The following AQP11 variants were observed in gnomAD, a reference collection of about 807,000 sequenced individuals.
The protein encoded by AQP11 is aquaporin 11.
A neutral mutation model predicts 21.1 loss-of-function variants in AQP11; 20 were observed. The observed-to-expected ratio is 0.95, with a 90% CI of 0.67 to 1.38. AQP11 has a LOEUF of 1.38. Ranked by LOEUF, AQP11 falls within the 40% of genes most tolerant of loss-of-function variation. AQP11 has a pLI of 0.00. For synonymous variants in AQP11, 167 were observed against 150.1 expected, an observed-to-expected ratio of 1.11 and a Z score of -0.82; for missense variants, 339 against 340.4, an observed-to-expected ratio of 1.00 and a Z score of 0.03.
Position 77,590,014 on chromosome 11 carries a change from C to T in AQP11, c.22C>T (p.Arg8Trp), listed in dbSNP as rs756558067. Residue 8 changes from arginine (R) to tryptophan (W), a missense_variant, in exon 1 of 3, where the codon CGG becomes TGG. Physicochemically the swap from Arg to Trp is moderately radical, Grantham distance 101. Coordinates refer to ENST00000313578, the MANE Select transcript of AQP11 (RefSeq NM_173039.3). ...AGCCATGTCGCCGCTGCTGGGGCTC[C>T]GGTCCGAGCTGCAGGACACCTGCAC... Reference protein sequence around the residue: MSPLLGLRSELQDTCTSL... With the variant: MSPLLGLWSELQDTCTSL... The T allele has an allele frequency of 6.6e-7, 1 of 1,507,648 alleles. No individual in the cohort carries two copies. Among genetic ancestry groups the T allele is most frequent in the Admixed American group, 2.3e-5 (1 of 44,006 alleles). The allele number at this position is 1,507,648 out of a possible 1,614,324, so 93.4% of individuals were successfully genotyped here. A position where few individuals can be genotyped will look rare whatever the true frequency, so the allele number is the denominator to read the frequency against.
chr11:77,605,174 C>T (rs2135751058), intron 2 of AQP11, among the ~76,000 whole-genome samples: 1 of 152,272 alleles, frequency 6.6e-6, no homozygotes, highest in South Asian at 2.1e-4. Flanking sequence ...GCTTGGGCGA[C>T]AGAGCGAGAC....
intron 1 of AQP11, among the ~76,000 whole-genome samples, chr11:77,591,814 C>T (rs1958749858): frequency 6.6e-6 from 1 of 152,138 alleles, no homozygotes; most frequent in African/African-American, 2.4e-5. Flanking sequence ...GCGGAGGTTG[C>T]AGTGAGCTGA....
chr11:77,607,385 A>G (rs755844525), intron 2 of AQP11, among the ~76,000 whole-genome samples: 26 of 152,216 alleles, frequency 1.7e-4, no homozygotes, highest in Non-Finnish European at 3.7e-4. Flanking sequence ...CCAAAGCTAC[A>G]TTAATTAGGC....
Position 77,590,174 on chromosome 11 carries a change from CCCACGAGCTGCAA to C in AQP11, c.184_196del (p.His62CysfsTer2). ...GCCACCTTCCAGCTCTGCTGCTGCA[CCCACGAGCTGCAA>C]CTGCTGAGCGAACAGCACCCCGCGC... is the stretch of plus-strand genomic sequence containing the variant. On this transcript the variant is annotated frameshift_variant, in exon 1 of 3. Transcript: ENST00000313578. LOFTEE classifies it high-confidence loss of function. 1 of 1,604,596 alleles carries C rather than the reference CCCACGAGCTGCAA, an allele frequency of 6.2e-7. No homozygotes were observed. The highest frequency in any genetic ancestry group is 8.5e-7 in the Non-Finnish European group (1 of 1,176,850).
intron 1 of AQP11, among the ~76,000 whole-genome samples, chr11:77,596,455 A>T (rs10899393): frequency 0.6 from 78,866 of 131,518 alleles, 24,049 homozygotes; most frequent in Non-Finnish European, 0.66. Context: ...AAAAAAAAAA[A>T]ATATATATAT....
chr11:77,599,662 A>C (rs2135747866), intron 1 of AQP11, among the ~76,000 whole-genome samples: 1 of 151,118 alleles, frequency 6.6e-6, no homozygotes, highest in African/African-American at 2.4e-5. Context: ...TGGTGCAATC[A>C]AAACCTCCGC....
intron 2 of AQP11, among the ~76,000 whole-genome samples, chr11:77,605,825 G>C (rs895666399): frequency 2.0e-5 from 3 of 152,044 alleles, no homozygotes; most frequent in Non-Finnish European, 4.4e-5. Context: ...TTGGGAGGCC[G>C]AGGTGCGTGG....
chr11:77,601,332 CA>C (rs1220595604), intron 1 of AQP11, among the ~76,000 whole-genome samples: 1 of 148,578 alleles, frequency 6.7e-6, no homozygotes, highest in Admixed American at 6.9e-5. Context: ...CTGTGTAACA[CA>C]CCATTCAAAA....
At chr11:77,598,070 A>AT (rs1363925156) in intron 1 of AQP11, among the ~76,000 whole-genome samples, 1 of 152,054 alleles carries the variant, frequency 6.6e-6, no homozygotes, top group Non-Finnish European at 1.5e-5. Flanking sequence ...TGACAATGAT[A>AT]TTTTATCAGA....
At position 77,604,325 on chromosome 11, in the gene AQP11, A is replaced by G. The variant is rs528633309; in HGVS notation, c.736+653A>G. Among the ~76,000 whole-genome samples the G allele has an allele frequency of 3.9e-4, 60 of 152,334 alleles. 1 individual carries two copies. The highest frequency in any genetic ancestry group is 1.4e-3 in the African/African-American group (58 of 41,578). ...GAGATGAGGTCTCGCTATGTTGCTC[A>G]GGCTACATTCCAGTTACTTCTATTT... On this transcript the variant is annotated intron_variant, in intron 2 of 2. Transcript: ENST00000313578.
chr11:77,596,458 AT>A (rs1456621458), intron 1 of AQP11, among the ~76,000 whole-genome samples: 6 of 133,524 alleles, frequency 4.5e-5, no homozygotes, highest in African/African-American at 1.5e-4. Flanking sequence ...AAAAAAAAAT[AT>A]ATATATATAT....
rs373789208 is a variant in AQP11 at position 77,609,971 on chromosome 11, A to G, written c.*594A>G. 3 of 152,244 alleles carry G rather than the reference A, an allele frequency of 2.0e-5. No individual in the cohort carries two copies. The highest frequency in any genetic ancestry group is 1.9e-4 in the East Asian group (1 of 5,202). The allele number at this position is 152,244 out of a possible 1,614,324, so 9.4% of individuals were successfully genotyped here. A position where few individuals can be genotyped will look rare whatever the true frequency, so the allele number is the denominator to read the frequency against. ...CTAAAATAGTTTCTCTAAATAGACA[A>G]TCTCACTAGCTCCAGCCAAGTGGTT... is the stretch of plus-strand genomic sequence containing the variant. On this transcript the variant is annotated 3_prime_UTR_variant, in exon 3 of 3. Coordinates refer to ENST00000313578, the MANE Select transcript of AQP11 (RefSeq NM_173039.3).
intron 1 of AQP11, among the ~76,000 whole-genome samples, chr11:77,600,066 TCTC>T (rs1958806695): frequency 6.6e-6 from 1 of 151,118 alleles, no homozygotes; most frequent in South Asian, 2.1e-4. Flanking sequence ...TACAAGCAGT[TCTC>T]CTGCCTGAGC....
At chr11:77,591,125 T>A (rs1259173721) in intron 1 of AQP11, 1 of 971,004 alleles carries the variant, frequency 1.0e-6, no homozygotes, top group African/African-American at 1.8e-5. Context: ...TCCTTAATAA[T>A]TCATTTTGAG....
intron 1 of AQP11, among the ~76,000 whole-genome samples, chr11:77,599,954 GTTA>G (rs1180930300): frequency 4.0e-5 from 6 of 151,674 alleles, no homozygotes; most frequent in Admixed American, 2.0e-4. Context: ...TATTATTACT[GTTA>G]TTTACTTATT....
intron 1 of AQP11, among the ~76,000 whole-genome samples, chr11:77,597,696 G>T (rs1225439475): frequency 6.6e-6 from 1 of 152,146 alleles, no homozygotes; most frequent in Non-Finnish European, 1.5e-5. Context: ...GTAATGTCCG[G>T]GAGTAGAGAT....
chr11:77,597,870 C>T (rs1958792785), intron 1 of AQP11, among the ~76,000 whole-genome samples: 1 of 152,072 alleles, frequency 6.6e-6, no homozygotes, highest in East Asian at 1.9e-4. Context: ...TCTCCTGCCT[C>T]AGCCTCCCGA....
At position 77,603,579 on chromosome 11, in the gene AQP11, T is replaced by C; in HGVS notation, c.643T>C (p.Phe215Leu). The change falls in exon 2 of 3, where the codon TTT (phenylalanine) becomes CTT (leucine). Residue 215 changes from phenylalanine to leucine, a missense_variant. Phe to Leu is a conservative substitution (Grantham distance 22, BLOSUM62 0). Transcript: ENST00000313578. ...YAGGSLTGAV[F>L]NPALALSLHF... ...AGGAGGAAGTCTAACAGGAGCTGTA[T>C]TTAATCCAGCTTTGGCACTTTCGCT... is the stretch of plus-strand genomic sequence containing the variant. 1 of 1,601,022 alleles carries C rather than the reference T, an allele frequency of 6.2e-7. No individual in the cohort carries two copies.
chr11:77,599,228 T>C (rs1958801005), intron 1 of AQP11, among the ~76,000 whole-genome samples: 1 of 151,336 alleles, frequency 6.6e-6, no homozygotes, highest in African/African-American at 2.4e-5. Flanking sequence ...GTAGCTGGGA[T>C]TATAGGCACC....
Sources: gnomAD v4.1 joint callset for allele counts (sites outside exome capture counted in the v4.1 genomes callset) on GRCh38, gnomAD v4.1.1 for gene constraint, MANE v1.5 for transcripts, NCBI Gene and HGNC (gene_info 2026-07-23, HGNC 2026-07-21) for gene names.